The following RMND5A variants were observed in gnomAD, a reference collection of about 807,000 sequenced individuals.
The protein encoded by RMND5A is E3 ubiquitin-protein transferase RMND5A.
RMND5A carries 17 observed loss-of-function variants against 49.7 expected under a neutral mutation model. That is an observed-to-expected ratio of 0.34 (90% CI 0.23 to 0.51). The LOEUF (loss-of-function observed/expected upper bound fraction) is 0.51. Among genes scored for constraint, RMND5A ranks in the 20% least tolerant of loss-of-function variants. The probability of loss-of-function intolerance (pLI) is 0.96; values close to 1 mark genes in which losing one functional copy is unlikely to be tolerated. For missense variants in RMND5A, 255 were observed against 471.3 expected (o/e 0.54, Z 4.25); for synonymous variants, 156 against 167.7 (o/e 0.93, Z 0.54).
intron 4 of RMND5A, among the ~76,000 whole-genome samples, chr2:86,762,838 C>T (rs1672526612): frequency 6.6e-6 from 1 of 150,628 alleles, no homozygotes; most frequent in Non-Finnish European, 1.5e-5. Flanking sequence ...CCCAGAAGTT[C>T]GAGACCAGCC....
chr2:86,760,965 A>AGTGTGTGTGTGTGTGTGT (rs35942120), intron 4 of RMND5A, among the ~76,000 whole-genome samples: 2 of 145,330 alleles, frequency 1.4e-5, no homozygotes, highest in African/African-American at 5.1e-5. Flanking sequence ...GAGAGAGAGA[A>AGTGTGTGTGTGTGTGTGT]GTGTGTGTGT....
chr2:86,759,771 G>C (rs1194026527), intron 4 of RMND5A, among the ~76,000 whole-genome samples: 1 of 151,932 alleles, frequency 6.6e-6, no homozygotes, highest in Admixed American at 6.6e-5. Flanking sequence ...CTGTACTCCA[G>C]CCTGGGCAAC....
chr2:86,750,744 A>C (rs1252959032), intron 2 of RMND5A, among the ~76,000 whole-genome samples: 1 of 147,276 alleles, frequency 6.8e-6, no homozygotes. Flanking sequence ...GAGCTTTTGT[A>C]ATTTTCCCAC....
intron 3 of RMND5A, among the ~76,000 whole-genome samples, chr2:86,753,213 A>C (rs1681666289): frequency 6.6e-6 from 1 of 152,188 alleles, no homozygotes; most frequent in South Asian, 2.1e-4. Context: ...TTCATTGGTC[A>C]GAACTTAACG....
At chr2:86,723,978 G>A (rs1256155987) in intron 1 of RMND5A, among the ~76,000 whole-genome samples, 3 of 152,096 alleles carry the variant, frequency 2.0e-5, no homozygotes, top group Non-Finnish European at 2.9e-5. Flanking sequence ...AGATACACTT[G>A]GGGAAATGAG....
At chr2:86,744,602 T>C (rs541880340) in intron 2 of RMND5A, among the ~76,000 whole-genome samples, 10 of 152,338 alleles carry the variant, frequency 6.6e-5, no homozygotes, top group Admixed American at 2.6e-4. Context: ...TTAATACTTA[T>C]GTTTTAAAGT....
intron 8 of RMND5A, among the ~76,000 whole-genome samples, chr2:86,772,138 C>T (rs1223682283): frequency 2.0e-5 from 3 of 152,136 alleles, no homozygotes; most frequent in Non-Finnish European, 4.4e-5. Context: ...TATTGATGAA[C>T]ATTTGTTTCT....
chr2:86,757,174 C>CAAAAAAAAAAAAAAAAAAAAAAAAAAAA (rs60710494), intron 4 of RMND5A, among the ~76,000 whole-genome samples: 1 of 97,970 alleles, frequency 1.0e-5, no homozygotes, highest in African/African-American at 4.1e-5. Flanking sequence ...AACTCAGTCT[C>CAAAAAAAAAAAAAAAAAAAAAAAAAAAA]AAAAAAAAAA....
In RMND5A at chr2:86,773,465, C is replaced by A; in HGVS notation, c.*54C>A. On this transcript the variant is annotated 3_prime_UTR_variant, in exon 9 of 9. Coordinates refer to ENST00000283632, the MANE Select transcript of RMND5A (RefSeq NM_022780.4). Reference sequence around the variant, plus strand: ...GTGAAACTGAATCGTGGGTGCATTTCAGAAGAGAACGTTCCATATAATGCA... The same window carrying A: ...GTGAAACTGAATCGTGGGTGCATTTAAGAAGAGAACGTTCCATATAATGCA... 2 of 1,129,032 alleles carry A rather than the reference C, an allele frequency of 1.8e-6. No individual in the cohort carries two copies. The highest frequency in any genetic ancestry group is 2.7e-6 in the Non-Finnish European group (2 of 739,660). 69.9% of individuals were successfully genotyped at this position (1,129,032 alleles called of 1,614,324 possible).
In RMND5A at chr2:86,771,536, CTTTTTT is replaced by C; in HGVS notation, c.958-11_958-6del. 7.0e-7 allele frequency: 1 copy of C among 1,425,314 alleles called. No individual in the cohort carries two copies. The highest frequency in any genetic ancestry group is 9.5e-7 in the Non-Finnish European group (1 of 1,053,252). The allele number at this position is 1,425,314 out of a possible 1,614,324, so 88.3% of individuals were successfully genotyped here. On this transcript the variant is annotated splice_polypyrimidine_tract_variant and intron_variant, in intron 7 of 8. Transcript: ENST00000283632. ...GTGAAATATGACTTCAGCTTTTTTACTTTTTTTTTTTTTTTTAACAGATTGAAGTGG... is the reference window on the plus strand; with the variant it reads ...GTGAAATATGACTTCAGCTTTTTTACTTTTTTTTTTAACAGATTGAAGTGG...
intron 1 of RMND5A, chr2:86,721,012 CAGA>C: frequency 4.2e-6 from 2 of 481,452 alleles, no homozygotes; most frequent in South Asian, 3.1e-5. Context: ...GCTGCCAATT[CAGA>C]AGGAGCGCGA....
At chr2:86,765,280 C>A in intron 5 of RMND5A, 87 bp downstream of exon 5, 2 of 1,169,736 alleles carry the variant, frequency 1.7e-6, no homozygotes, top group Non-Finnish European at 1.2e-6. Flanking sequence ...GAGCTAATAC[C>A]TGTTTGCCAG....
chr2:86,720,451 G>T lies in RMND5A; in HGVS notation c.-217G>T. 1 of 206,416 alleles carries T rather than the reference G, an allele frequency of 4.8e-6. No individual in the cohort carries two copies. The allele number at this position is 206,416 out of a possible 1,614,324, so 12.8% of individuals were successfully genotyped here. Reference sequence around the variant, plus strand: ...AGTGCAGCGAGCGAACGGGAGCAGCGGCGACTCGCCGGGGGGCTAGGGCGC... The same window carrying T: ...AGTGCAGCGAGCGAACGGGAGCAGCTGCGACTCGCCGGGGGGCTAGGGCGC... On this transcript the variant is annotated 5_prime_UTR_variant, in exon 1 of 9. Transcript: ENST00000283632.
chr2:86,753,513 G>A lies in RMND5A; in HGVS notation c.476G>A (p.Arg159Lys), dbSNP rs35313910. Residue 159 changes from arginine (R) to lysine (K), a missense_variant, in exon 4 of 9, where the codon AGA (arginine) becomes AAA (lysine). Arg to Lys is a conservative substitution (Grantham distance 26, BLOSUM62 2). Around this residue, in one of 3 missense-constraint regions of RMND5A, gnomAD observed 208 missense variants for 339.8 expected, o/e 0.61. Coordinates refer to ENST00000283632, the MANE Select transcript of RMND5A (RefSeq NM_022780.4). ...AAGGAACCATTTGTGGAGTTAAATA[G>A]AATATTAGAGGCATTAAAGGTCAGA... ...SQKEPFVELN[R>K]ILEALKVRVL... The A allele has an allele frequency of 1.9e-4, 313 of 1,611,820 alleles. 1 individual carries two copies. In the African/African-American group the frequency reaches 3.6e-3, roughly 19 times the overall value.
intron 4 of RMND5A, among the ~76,000 whole-genome samples, chr2:86,756,378 C>T (rs1681740325): frequency 1.3e-5 from 2 of 152,006 alleles, no homozygotes; most frequent in Non-Finnish European, 2.9e-5. Flanking sequence ...AATCCTGTCT[C>T]AAAAAATAAG....
At chr2:86,754,635 T>C (rs752496609) in intron 4 of RMND5A, among the ~76,000 whole-genome samples, 1 of 152,170 alleles carries the variant, frequency 6.6e-6, no homozygotes, top group Non-Finnish European at 1.5e-5. Context: ...GGCATAATCA[T>C]GGCTCACTCC....
chr2:86,721,170 G>A (rs1681208982), intron 1 of RMND5A: 1 of 239,660 alleles, frequency 4.2e-6, no homozygotes, highest in South Asian at 5.4e-5. Flanking sequence ...AGTCTCACGT[G>A]GTGCCCGCGG....
At chr2:86,771,466 C>A in intron 7 of RMND5A, 92 bp from the exon 8 acceptor site, 1 of 1,102,602 alleles carries the variant, frequency 9.1e-7, no homozygotes, top group Non-Finnish European at 1.3e-6. Flanking sequence ...TAGATCTGAT[C>A]AATGTTCTTT....
In RMND5A at chr2:86,775,548, C is replaced by T. The variant is rs931323921; in HGVS notation, c.*2137C>T. On this transcript the variant is annotated 3_prime_UTR_variant, in exon 9 of 9. Transcript: ENST00000283632. The stretch of plus-strand genomic sequence containing the variant: ...ACAAAAGCCAGAGCTCAGCTTTATC[C>T]CTCTCCCAGTGCTGGGAGCCAAAAA... 4 of 151,856 alleles carry T rather than the reference C, an allele frequency of 2.6e-5. No individual in the cohort carries two copies. The highest frequency in any genetic ancestry group is 5.9e-5 in the Non-Finnish European group (4 of 67,978). The allele number at this position is 151,856 out of a possible 1,614,324, so 9.4% of individuals were successfully genotyped here. A position where few individuals can be genotyped will look rare whatever the true frequency, so the allele number is the denominator to read the frequency against.
Sources: gnomAD v4.1 joint callset for allele counts (sites outside exome capture counted in the v4.1 genomes callset) on GRCh38, gnomAD v4.1.1 for gene constraint, gnomAD v4.1.1 regional missense constraint, MANE v1.5 for transcripts, NCBI Gene and HGNC (gene_info 2026-07-23, HGNC 2026-07-21) for gene names.